The following IL6ST variants were observed in gnomAD, a reference collection of about 807,000 sequenced individuals.
IL6ST encodes interleukin 6 cytokine family signal transducer.
IL6ST carries 24 observed loss-of-function variants against 91.3 expected under a neutral mutation model. The observed-to-expected ratio is 0.26, with a 90% CI of 0.19 to 0.37. The LOEUF (loss-of-function observed/expected upper bound fraction) is 0.37, where lower values mean the gene tolerates loss of function less well. Ranked by LOEUF, IL6ST falls within the 10% of genes least tolerant of loss-of-function variation. IL6ST has a pLI of 1.00. For missense variants in IL6ST, 914 were observed against 1,078.5 expected (o/e 0.85, Z 2.14); for synonymous variants, 351 against 373.6 (o/e 0.94, Z 0.70).
At chr5:55,948,323 G>A (rs1751403845) in intron 14 of IL6ST, among the ~76,000 whole-genome samples, 1 of 152,074 alleles carries the variant, frequency 6.6e-6, no homozygotes, top group African/African-American at 2.4e-5. Context: ...TGACTGTCCT[G>A]ATTAATTTTG....
At chr5:55,948,665 G>A (rs1220952458) in intron 14 of IL6ST, among the ~76,000 whole-genome samples, 1 of 151,906 alleles carries the variant, frequency 6.6e-6, no homozygotes, top group Non-Finnish European at 1.5e-5. Context: ...TCTAATTTAG[G>A]CAGAAACTTT....
At chr5:55,954,495 A>G (rs1209767671) in intron 11 of IL6ST, among the ~76,000 whole-genome samples, 2 of 152,244 alleles carry the variant, frequency 1.3e-5, no homozygotes, top group Non-Finnish European at 2.9e-5. Flanking sequence ...TGAGGTACAG[A>G]GAACATATAA....
chr5:55,947,592 T>TTAAAA lies in IL6ST; in HGVS notation c.1841-4_1841-3insTTTTA, dbSNP rs1554023368. 3.0e-6 allele frequency: 1 copy of TTAAAA among 333,074 alleles called. No individual in the cohort carries two copies. Among genetic ancestry groups the TTAAAA allele is most frequent in the African/African-American group, 5.1e-5 (1 of 19,760 alleles). 20.6% of individuals were successfully genotyped at this position (333,074 alleles called of 1,614,324 possible). ...TATGGCTTCAATTTCTCCTTGAGCT[T>TTAAAA]AAAAAAAAAAAAAAAAAAAAAAAAA... On this transcript the variant is annotated splice_polypyrimidine_tract_variant and splice_region_variant and intron_variant, in intron 14 of 16. Coordinates refer to ENST00000381298, the MANE Select transcript of IL6ST (RefSeq NM_002184.4).
chr5:55,988,584 T>G (rs368249013), intron 1 of IL6ST, among the ~76,000 whole-genome samples: 4 of 151,690 alleles, frequency 2.6e-5, no homozygotes, highest in African/African-American at 4.9e-5. Flanking sequence ...CTGACCAACA[T>G]AGAGAAACCC....
chr5:55,965,865 T>C (rs980856719), intron 5 of IL6ST, among the ~76,000 whole-genome samples: 2 of 150,276 alleles, frequency 1.3e-5, no homozygotes, highest in African/African-American at 4.9e-5. Context: ...AAACTGCCAC[T>C]GATCAAAGAT....
intron 11 of IL6ST, among the ~76,000 whole-genome samples, chr5:55,954,539 C>G (rs1751841604): frequency 1.3e-5 from 2 of 152,166 alleles, no homozygotes; most frequent in Admixed American, 1.3e-4. Context: ...TCTTATATTT[C>G]TCTATACTCT....
chr5:55,964,434 C>G, intron 5 of IL6ST, 122 bp from the exon 6 acceptor site: 3 of 571,766 alleles, frequency 5.2e-6, no homozygotes, highest in Middle Eastern at 8.8e-4. Context: ...TGCAATATAA[C>G]TGCTGGTCAC....
chr5:55,947,365 G>C (rs1751330610), intron 15 of IL6ST, 128 bp downstream of exon 15: 1 of 630,370 alleles, frequency 1.6e-6, no homozygotes, highest in Non-Finnish European at 2.8e-6. Context: ...TATGGTGGTA[G>C]TTATACATCT....
In IL6ST at chr5:55,941,421, A is replaced by G; in HGVS notation, c.2418T>C (p.Asp806=). Residue 806 remains aspartate (D), a synonymous_variant, in exon 17 of 17, where the codon GAT becomes GAC. Transcript: ENST00000381298. ...AGTACTGTTGCCTGGGCAAAATACC[A>G]TCACCGCCATCTACATGATCTACTA... The part of the protein sequence containing the change: ...LQLVDHVDGG[D]GILPRQQYFK... 6.2e-7 allele frequency: 1 copy of G among 1,614,218 alleles called. No individual in the cohort carries two copies. Among genetic ancestry groups the G allele is most frequent in the Non-Finnish European group, 8.5e-7 (1 of 1,180,018 alleles).
chr5:55,949,777 A>G (rs1003125270), intron 14 of IL6ST, among the ~76,000 whole-genome samples: 1 of 152,200 alleles, frequency 6.6e-6, no homozygotes, highest in African/African-American at 2.4e-5. Flanking sequence ...TCATTCATTT[A>G]TTCCCTCATT....
chr5:55,972,944 G>A (rs4866000), intron 3 of IL6ST, among the ~76,000 whole-genome samples: 1 of 151,658 alleles, frequency 6.6e-6, no homozygotes, highest in East Asian at 1.9e-4. Flanking sequence ...GGCAGAGGTT[G>A]CAGTGAGCTG....
Position 55,952,009 on chromosome 5 carries a change from T to G in IL6ST, c.1619A>C (p.Asp540Ala), listed in dbSNP as rs368246591. The change falls in exon 13 of 17, where the codon GAC becomes GCC. Residue 540 changes from aspartate to alanine, a missense_variant. Transcript: ENST00000381298. ...ATTCTGAACATCAACAGGAAGTTGG[T>G]CCCACTCTAAGACAGCTTCGTTTTT... ...VGKNEAVLEWDQLPVDVQNGF... is the reference protein window; with the variant it reads ...VGKNEAVLEWAQLPVDVQNGF... 1.5e-4 allele frequency: 240 copies of G among 1,606,586 alleles called. No homozygotes were observed. Among genetic ancestry groups the G allele is most frequent in the Non-Finnish European group, 2.0e-4 (232 of 1,173,446 alleles).
intron 2 of IL6ST, among the ~76,000 whole-genome samples, chr5:55,976,890 C>T (rs547675925): frequency 3.9e-5 from 6 of 152,278 alleles, no homozygotes; most frequent in African/African-American, 1.4e-4. Context: ...TACAGACACT[C>T]TGGTAAACAA....
chr5:55,979,647 A>C (rs182311473), intron 2 of IL6ST, among the ~76,000 whole-genome samples: 32 of 152,370 alleles, frequency 2.1e-4, no homozygotes, highest in African/African-American at 7.5e-4. Context: ...GAACACTTTA[A>C]AAATGGTCAG....
chr5:55,947,393 T>C (rs1413145144), intron 15 of IL6ST, 100 bp downstream of exon 15: 15 of 709,798 alleles, frequency 2.1e-5, no homozygotes, highest in Non-Finnish European at 3.7e-5. Flanking sequence ...ATTACAAAAA[T>C]TCATCAAACT....
At chr5:55,982,605 T>C (rs1753730375) in intron 2 of IL6ST, 119 bp downstream of exon 2, 1 of 392,628 alleles carries the variant, frequency 2.5e-6, no homozygotes. Context: ...TGTTGTCACA[T>C]AAATTATTTC....
At chr5:55,970,094 T>TTA (rs1378146707) in intron 3 of IL6ST, among the ~76,000 whole-genome samples, 2 of 152,212 alleles carry the variant, frequency 1.3e-5, no homozygotes, top group Non-Finnish European at 2.9e-5. Context: ...CATTCATGCT[T>TTA]TATAGCCCAT....
intron 5 of IL6ST, among the ~76,000 whole-genome samples, chr5:55,965,413 C>G (rs1056589793): frequency 6.6e-6 from 1 of 152,046 alleles, no homozygotes; most frequent in Non-Finnish European, 1.5e-5. Context: ...CTGAAAATAT[C>G]AGTATGAATT....
At chr5:55,992,721 C>A (rs984298416) in intron 1 of IL6ST, among the ~76,000 whole-genome samples, 4 of 152,140 alleles carry the variant, frequency 2.6e-5, no homozygotes, top group African/African-American at 9.7e-5. Context: ...TTCCCTTTAT[C>A]CAAATCCTAC....
Sources: gnomAD v4.1 joint callset for allele counts (sites outside exome capture counted in the v4.1 genomes callset) on GRCh38, gnomAD v4.1.1 for gene constraint, MANE v1.5 for transcripts, NCBI Gene and HGNC (gene_info 2026-07-23, HGNC 2026-07-21) for gene names.